ZNF362: variants seen among roughly 807,000 people sequenced by gnomAD.
ZNF362 encodes the protein zinc finger protein 362.
In ZNF362, 11 loss-of-function variants were observed where a neutral mutation model predicts 42.9. That is an observed-to-expected ratio of 0.26 (90% CI 0.16 to 0.42). The LOEUF is 0.42. Ranked by LOEUF, ZNF362 falls within the 20% of genes least tolerant of loss-of-function variation. The pLI is 1.00. For missense variants in ZNF362, 362 were observed against 576.2 expected, an observed-to-expected ratio of 0.63 and a Z score of 3.81; for synonymous variants, 255 against 257.3, an observed-to-expected ratio of 0.99 and a Z score of 0.09.
chr1:33,175,725 G>A, the ZNF362 span, among the ~76,000 whole-genome samples: 2 of 152,014 alleles, frequency 1.3e-5, no homozygotes, highest in African/African-American at 4.8e-5. Flanking sequence ...CTGTGAGATG[G>A]TACTGATCTC....
the ZNF362 span, among the ~76,000 whole-genome samples, chr1:33,210,600 G>A: frequency 3.3e-5 from 5 of 151,992 alleles, no homozygotes; most frequent in Non-Finnish European, 7.4e-5. Flanking sequence ...TTTATGAATC[G>A]TGATGCTCCT....
chr1:33,262,130 G>C (rs528952472), intron 1 of ZNF362, among the ~76,000 whole-genome samples: 2 of 151,954 alleles, frequency 1.3e-5, no homozygotes, highest in East Asian at 1.9e-4. Context: ...TGGCTGAATA[G>C]TGTCTTTAGT....
intron 1 of ZNF362, among the ~76,000 whole-genome samples, chr1:33,265,031 A>G (rs1645856191): frequency 6.6e-6 from 1 of 151,960 alleles, no homozygotes; most frequent in African/African-American, 2.4e-5. Flanking sequence ...AAATGCTTGT[A>G]AAGTATCTTA....
At chr1:33,170,158 C>T in the ZNF362 span, among the ~76,000 whole-genome samples, 3,654 of 152,126 alleles carry the variant, frequency 0.024, 116 homozygotes, top group African/African-American at 0.082. Flanking sequence ...GGCAAAACCC[C>T]GTCTCTACTA....
the ZNF362 span, chr1:33,158,350 A>G: frequency 1.2e-6 from 2 of 1,613,316 alleles, no homozygotes; most frequent in South Asian, 1.1e-5. Flanking sequence ...GGTTGGTCTC[A>G]TGGATTTTTC....
the ZNF362 span, chr1:33,146,047 C>G: frequency 2.7e-6 from 1 of 374,598 alleles, no homozygotes; most frequent in South Asian, 2.0e-5. Context: ...CAGTCAGCAG[C>G]TTTCTGGCAT....
At chr1:33,174,945 G>GTGTATATA in the ZNF362 span, among the ~76,000 whole-genome samples, 46 of 141,742 alleles carry the variant, frequency 3.2e-4, no homozygotes, top group African/African-American at 9.9e-4. Context: ...ATATATGTGT[G>GTGTATATA]TATATATATA....
the ZNF362 span, among the ~76,000 whole-genome samples, chr1:33,206,533 A>T: frequency 3.3e-5 from 5 of 152,182 alleles, no homozygotes; most frequent in African/African-American, 1.2e-4. Context: ...CAGGAATTTG[A>T]GGCTGCAGTG....
intron 6 of ZNF362, among the ~76,000 whole-genome samples, chr1:33,284,339 G>C (rs540222638): frequency 8.5e-5 from 13 of 152,188 alleles, no homozygotes; most frequent in Non-Finnish European, 1.5e-4. Flanking sequence ...GTCTTTAACT[G>C]TGACATTTCT....
At chr1:33,227,026 G>A in the ZNF362 span, among the ~76,000 whole-genome samples, 1 of 152,140 alleles carries the variant, frequency 6.6e-6, no homozygotes, top group Non-Finnish European at 1.5e-5. Flanking sequence ...CTGAGGGAAG[G>A]GATGAGAATA....
the ZNF362 span, among the ~76,000 whole-genome samples, chr1:33,190,651 CA>C: frequency 6.6e-6 from 1 of 152,202 alleles, no homozygotes; most frequent in African/African-American, 2.4e-5. Flanking sequence ...CACATTTCTA[CA>C]TTGTTTATTG....
Position 33,280,336 on chromosome 1 carries a change from C to A in ZNF362, c.562C>A (p.Pro188Thr). The A allele has an allele frequency of 1.2e-6, 2 of 1,614,088 alleles. No individual in the cohort carries two copies. The highest frequency in any genetic ancestry group is 8.5e-7 in the Non-Finnish European group (1 of 1,179,960). ...TIQGHGLLGP[P>T]KSERGRKKIK... Reference sequence around the variant, plus strand: ...CCAGGGCCACGGCCTGCTTGGCCCCCCCAAGTCCGAACGCGGCCGCAAAAA... The same window carrying A: ...CCAGGGCCACGGCCTGCTTGGCCCCACCAAGTCCGAACGCGGCCGCAAAAA... Residue 188 changes from proline to threonine, a missense_variant, in exon 5 of 9, where the codon CCC (proline) becomes ACC (threonine). Physicochemically the swap from Pro to Thr is conservative, Grantham distance 38. This residue lies in a region of ZNF362 where 266 missense variants were observed against 365.4 expected (regional missense o/e 0.73). Coordinates refer to ENST00000539719, the MANE Select transcript of ZNF362 (RefSeq NM_152493.3). The surrounding 1 kb of genome is among the most constrained non-coding windows in gnomAD (Gnocchi z 5.6).
Position 33,266,381 on chromosome 1 carries a change from G to A in ZNF362, c.-88-4106G>A, listed in dbSNP as rs1415845660. Reference sequence around the variant, plus strand: ...ACTGCATGGCTGGCGCTGGGCTCTGGGGCTGCAGCAGTGACGGCTGATGGG... The same window carrying A: ...ACTGCATGGCTGGCGCTGGGCTCTGAGGCTGCAGCAGTGACGGCTGATGGG... On this transcript the variant is annotated intron_variant, in intron 1 of 8. Coordinates refer to ENST00000539719, the MANE Select transcript of ZNF362 (RefSeq NM_152493.3). The surrounding 1 kb of genome is among the most constrained non-coding windows in gnomAD (Gnocchi z 4.3). 6.6e-6 allele frequency among the ~76,000 whole-genome samples: 1 copy of A among 152,200 alleles called. No homozygotes were observed. Among genetic ancestry groups the A allele is most frequent in the African/African-American group, 2.4e-5 (1 of 41,446 alleles).
chr1:33,153,362 C>T, the ZNF362 span, among the ~76,000 whole-genome samples: 1 of 152,228 alleles, frequency 6.6e-6, no homozygotes. Flanking sequence ...TCCCTCAGCT[C>T]CTCTCTGGCA....
chr1:33,173,445 G>A, the ZNF362 span, among the ~76,000 whole-genome samples: 1 of 152,152 alleles, frequency 6.6e-6, no homozygotes, highest in African/African-American at 2.4e-5. Flanking sequence ...GTGTATGTGT[G>A]TGTGTGCATG....
At chr1:33,228,167 T>C in the ZNF362 span, among the ~76,000 whole-genome samples, 1 of 152,064 alleles carries the variant, frequency 6.6e-6, no homozygotes, top group African/African-American at 2.4e-5. Flanking sequence ...GGACCCCAAA[T>C]CTGTGTGTCC....
chr1:33,168,309 G>A, the ZNF362 span, among the ~76,000 whole-genome samples: 2 of 152,190 alleles, frequency 1.3e-5, no homozygotes, highest in Admixed American at 6.5e-5. Flanking sequence ...GAAGGAGCCC[G>A]AGTCCCTGAT....
At chr1:33,270,677 C>CA (rs1156263966) in intron 2 of ZNF362, 65 bp downstream of exon 2, 1 of 1,589,448 alleles carries the variant, frequency 6.3e-7, no homozygotes, top group African/African-American at 1.3e-5. Flanking sequence ...GGGATTAAAG[C>CA]ATTGTGTTCG....
At chr1:33,170,396 C>A in the ZNF362 span, among the ~76,000 whole-genome samples, 1 of 151,478 alleles carries the variant, frequency 6.6e-6, no homozygotes, top group East Asian at 1.9e-4. Flanking sequence ...ATCTTTAAAA[C>A]AACAACAACA....
Sources: gnomAD v4.1 joint callset for allele counts (sites outside exome capture counted in the v4.1 genomes callset) on GRCh38, gnomAD v4.1.1 for gene constraint, gnomAD v4.1.1 regional missense constraint, Gnocchi (gnomAD v3.1) non-coding constraint, MANE v1.5 for transcripts, NCBI Gene and HGNC (gene_info 2026-07-23, HGNC 2026-07-21) for gene names.